The following KIAA1958 variants were observed in gnomAD, a reference collection of about 807,000 sequenced individuals.
KIAA1958 encodes KIAA1958.
KIAA1958 carries 14 observed loss-of-function variants against 47.2 expected under a neutral mutation model. That is an observed-to-expected ratio of 0.30 (90% CI 0.20 to 0.46). The LOEUF is 0.46. Ranked by LOEUF, KIAA1958 falls within the 20% of genes least tolerant of loss-of-function variation. KIAA1958 has a pLI of 1.00. For missense variants in KIAA1958, 803 were observed against 909.2 expected (o/e 0.88, Z 1.50); for synonymous variants, 354 against 353.3 (o/e 1.00, Z -0.02).
At chr9:112,493,497 T>C (rs917902832) in intron 1 of KIAA1958, among the ~76,000 whole-genome samples, 6 of 152,256 alleles carry the variant, frequency 3.9e-5, no homozygotes, top group African/African-American at 1.4e-4. Flanking sequence ...TAATCCCATT[T>C]TCCATACATA....
chr9:112,569,466 G>A lies in KIAA1958; in HGVS notation c.-24-4591G>A, dbSNP rs146548993. Among the ~76,000 whole-genome samples, 31 of 152,318 alleles carry A rather than the reference G, an allele frequency of 2.0e-4. 1 individual carries two copies. The East Asian group carries it at 5.8e-3, about 28-fold the overall frequency. ...CTTCTGGAATGTCATCTTGCTGAAA[G>A]GAATGCCAGTGCAGGCAAATGACGC... On this transcript the variant is annotated intron_variant, in intron 1 of 3. Transcript: ENST00000337530.
intron 2 of KIAA1958, among the ~76,000 whole-genome samples, chr9:112,621,094 T>C (rs1836498476): frequency 6.6e-6 from 1 of 152,208 alleles, no homozygotes. Flanking sequence ...TACCAGCTCA[T>C]CATTAATTTC....
intron 2 of KIAA1958, among the ~76,000 whole-genome samples, chr9:112,607,077 C>T (rs903506619): frequency 2.0e-5 from 3 of 152,130 alleles, no homozygotes; most frequent in African/African-American, 7.2e-5. Context: ...GACATGGGTG[C>T]CAGGGGCTGT....
chr9:112,602,461 G>A (rs1836151060), intron 2 of KIAA1958, among the ~76,000 whole-genome samples: 1 of 152,170 alleles, frequency 6.6e-6, no homozygotes, highest in Admixed American at 6.6e-5. Context: ...ATCTATGGAA[G>A]AAGTTAGTAC....
At chr9:112,527,870 G>A (rs1190938124) in intron 1 of KIAA1958, among the ~76,000 whole-genome samples, 2 of 151,710 alleles carry the variant, frequency 1.3e-5, no homozygotes, top group African/African-American at 2.4e-5. Flanking sequence ...CTGGGAAGCG[G>A]AGGTTTCAGT....
intron 1 of KIAA1958, among the ~76,000 whole-genome samples, chr9:112,540,743 G>A (rs960427376): frequency 2.7e-5 from 4 of 150,150 alleles, no homozygotes; most frequent in African/African-American, 9.8e-5. Context: ...GAGACGGGGT[G>A]TCATTCTGTC....
chr9:112,492,903 A>C (rs1173998987), intron 1 of KIAA1958, among the ~76,000 whole-genome samples: 1 of 146,782 alleles, frequency 6.8e-6, no homozygotes. Context: ...GTGCACACCC[A>C]GAGCCCAGCT....
At chr9:112,645,601 A>T (rs1376732255) in intron 2 of KIAA1958, 49 bp from the exon 3 acceptor site, 12 of 1,298,642 alleles carry the variant, frequency 9.2e-6, no homozygotes, top group African/African-American at 1.5e-5. Flanking sequence ...AATTCTCTAA[A>T]GAAGGGAATG....
chr9:112,620,542 A>T (rs1159438409), intron 2 of KIAA1958, among the ~76,000 whole-genome samples: 2 of 152,232 alleles, frequency 1.3e-5, no homozygotes, highest in Admixed American at 6.5e-5. Flanking sequence ...GTGACCTTTC[A>T]TCTGGCTAAG....
At chr9:112,572,352 A>G (rs1835553957) in intron 1 of KIAA1958, among the ~76,000 whole-genome samples, 1 of 152,212 alleles carries the variant, frequency 6.6e-6, no homozygotes, top group Non-Finnish European at 1.5e-5. Flanking sequence ...TTATTCGACA[A>G]CGACTGCATA....
rs759469555 is a variant in KIAA1958 at position 112,659,491 on chromosome 9, G to A, written c.1573G>A (p.Ala525Thr). 1.2e-5 allele frequency: 20 copies of A among 1,613,420 alleles called. No homozygotes were observed. Among genetic ancestry groups the A allele is most frequent in the East Asian group, 4.5e-5 (2 of 44,878 alleles). ...WVLSKAGMSG[A>T]RSRNIVYFSL... ...GCTGAGTAAGGCAGGCATGTCGGGC[G>A]CGCGTTCTCGCAACATCGTCTACTT... The change falls in exon 4 of 4, where the codon GCG becomes ACG. Residue 525 changes from alanine to threonine, a missense_variant. Ala to Thr is a moderately conservative substitution (Grantham distance 58). This residue lies in a region of KIAA1958 where 761 missense variants were observed against 829.3 expected (regional missense o/e 0.92). Coordinates refer to ENST00000337530, the MANE Select transcript of KIAA1958 (RefSeq NM_133465.4).
chr9:112,623,905 G>A (rs540168501), intron 2 of KIAA1958, among the ~76,000 whole-genome samples: 62 of 152,240 alleles, frequency 4.1e-4, no homozygotes, highest in African/African-American at 1.4e-3. Flanking sequence ...TTTCTGGTTC[G>A]ACTATCTGCA....
chr9:112,558,352 A>G (rs1835277285), intron 1 of KIAA1958, among the ~76,000 whole-genome samples: 1 of 11,936 alleles, frequency 8.4e-5, no homozygotes, highest in South Asian at 5.4e-3. Context: ...TGTAAAATAG[A>G]TAAGTAGATT....
Position 112,618,583 on chromosome 9 carries a change from T to C in KIAA1958, c.1172-27067T>C, listed in dbSNP as rs1588042331. ...ATAAGGAGTATGCCCAGCGGCGGCC[T>C]CCCGCCATGCGCTACGAGGATGCCC... On this transcript the variant is annotated intron_variant, in intron 2 of 3. Transcript: ENST00000337530. This position sits in a 1 kb window ranked among gnomAD's most constrained non-coding sequence, Gnocchi z 7.1. The C allele has an allele frequency of 6.4e-7, 1 of 1,550,588 alleles. No homozygotes were observed. The highest frequency in any genetic ancestry group is 1.2e-5 in the South Asian group (1 of 84,066).
chr9:112,549,650 A>G (rs1835105717), intron 1 of KIAA1958, among the ~76,000 whole-genome samples: 1 of 152,206 alleles, frequency 6.6e-6, no homozygotes, highest in Admixed American at 6.5e-5. Flanking sequence ...ATAGGGTAAC[A>G]TAGGGCTCCA....
Position 112,574,251 on chromosome 9 carries a change from C to T in KIAA1958, c.171C>T (p.His57=). 6.2e-7 allele frequency: 1 copy of T among 1,614,112 alleles called. No homozygotes were observed. Among genetic ancestry groups the T allele is most frequent in the Non-Finnish European group, 8.5e-7 (1 of 1,179,956 alleles). The change falls in exon 2 of 4, where the codon CAC becomes CAT. Residue 57 remains histidine (H), a synonymous_variant. Coordinates refer to ENST00000337530, the MANE Select transcript of KIAA1958 (RefSeq NM_133465.4). ...GCTGTAGTGCTGGCCATGCTTATCACTGGCCACTAACAGCTACTTGCAGAG... is the reference window on the plus strand; with the variant it reads ...GCTGTAGTGCTGGCCATGCTTATCATTGGCCACTAACAGCTACTTGCAGAG... ...MWGCSAGHAY[H]WPLTATCRAG...
intron 2 of KIAA1958, among the ~76,000 whole-genome samples, chr9:112,641,362 T>A (rs1836886394): frequency 6.7e-6 from 1 of 149,104 alleles, no homozygotes. Flanking sequence ...TTTGGTGTTA[T>A]AGATGAGAAA....
intron 2 of KIAA1958, among the ~76,000 whole-genome samples, chr9:112,605,414 TA>T (rs1316302716): frequency 6.6e-6 from 1 of 152,066 alleles, no homozygotes; most frequent in Non-Finnish European, 1.5e-5. Flanking sequence ...TAATTGAGGT[TA>T]TGGATCATTT....
intron 2 of KIAA1958, among the ~76,000 whole-genome samples, chr9:112,628,771 A>AT (rs1554729797): frequency 6.6e-6 from 1 of 152,054 alleles, no homozygotes; most frequent in Non-Finnish European, 1.5e-5. Flanking sequence ...AAATCAAAAA[A>AT]ATATATATAT....
Sources: allele counts gnomAD v4.1 joint callset (sites outside exome capture counted in the v4.1 genomes callset), GRCh38; gene constraint gnomAD v4.1.1; regional missense constraint gnomAD v4.1.1; non-coding constraint Gnocchi (gnomAD v3.1); transcripts MANE v1.5; gene names NCBI Gene and HGNC (gene_info 2026-07-23, HGNC 2026-07-21).